Variants in NALF1 observed in about 807,000 individuals in gnomAD.
NALF1 encodes family with sequence similarity 155 member A.
In NALF1, 3 loss-of-function variants were observed where a neutral mutation model predicts 48.4. The observed-to-expected ratio is 0.06, with a 90% CI of 0.03 to 0.16. NALF1 has a LOEUF of 0.16. Among genes scored for constraint, NALF1 ranks in the 10% least tolerant of loss-of-function variants. The pLI, the probability that NALF1 is intolerant of heterozygous loss-of-function variation, is 1.00. For missense variants in NALF1, 526 were observed against 571.5 expected (o/e 0.92, Z 0.81); for synonymous variants, 262 against 245.7 (o/e 1.07, Z -0.62).
At chr13:107,863,893 G>A (rs1158709381) in intron 1 of NALF1, among the ~76,000 whole-genome samples, 1 of 152,144 alleles carries the variant, frequency 6.6e-6, no homozygotes, top group Non-Finnish European at 1.5e-5. Context: ...AATACAGACT[G>A]TCTTTTAAAT....
chr13:107,697,590 G>T (rs924551568), intron 1 of NALF1, among the ~76,000 whole-genome samples: 84 of 151,758 alleles, frequency 5.5e-4, no homozygotes, highest in African/African-American at 2.0e-3. Context: ...CTTTTGTTTG[G>T]TCCTGAAAAT....
intron 1 of NALF1, among the ~76,000 whole-genome samples, chr13:107,581,684 G>A (rs1460604464): frequency 1.3e-5 from 2 of 152,164 alleles, no homozygotes; most frequent in African/African-American, 4.8e-5. Context: ...ATATATCCTT[G>A]CAAGCAGGTC....
intron 1 of NALF1, among the ~76,000 whole-genome samples, chr13:107,310,873 C>G (rs1882031608): frequency 6.6e-6 from 1 of 152,090 alleles, no homozygotes; most frequent in African/African-American, 2.4e-5. Flanking sequence ...GTTGGTCAGG[C>G]TGGTCTCAAA....
chr13:107,301,585 A>G (rs1005814947), intron 1 of NALF1, among the ~76,000 whole-genome samples: 1 of 152,152 alleles, frequency 6.6e-6, no homozygotes, highest in Admixed American at 6.6e-5. Flanking sequence ...TCTGAAAATG[A>G]GAATATTTTA....
intron 1 of NALF1, among the ~76,000 whole-genome samples, chr13:107,734,440 T>G (rs2138538578): frequency 6.6e-6 from 1 of 151,446 alleles, no homozygotes; most frequent in African/African-American, 2.4e-5. Flanking sequence ...ACAATGGAAT[T>G]AAGGAAAGAA....
chr13:107,460,633 C>T (rs1884902632), intron 1 of NALF1, among the ~76,000 whole-genome samples: 1 of 152,072 alleles, frequency 6.6e-6, no homozygotes, highest in African/African-American at 2.4e-5. Context: ...CTGTCTTCTG[C>T]AAGGTGGTGC....
intron 1 of NALF1, among the ~76,000 whole-genome samples, chr13:107,676,554 G>T (rs1357032725): frequency 6.7e-6 from 1 of 149,778 alleles, no homozygotes; most frequent in African/African-American, 2.5e-5. Context: ...ACAAAACGTT[G>T]TTATCACAGC....
At chr13:107,339,803 A>C (rs927187972) in intron 1 of NALF1, among the ~76,000 whole-genome samples, 1 of 152,180 alleles carries the variant, frequency 6.6e-6, no homozygotes, top group African/African-American at 2.4e-5. Flanking sequence ...TTAACTCTAA[A>C]TAGATTTGTA....
At chr13:107,819,734 C>G (rs967132580) in intron 1 of NALF1, among the ~76,000 whole-genome samples, 2 of 142,572 alleles carry the variant, frequency 1.4e-5, no homozygotes, top group Non-Finnish European at 3.0e-5. Flanking sequence ...CTGTCTCTCT[C>G]TCTCTCTCTC....
intron 1 of NALF1, among the ~76,000 whole-genome samples, chr13:107,749,809 G>GGTTT (rs71121552): frequency 0.032 from 4,874 of 151,100 alleles, 275 homozygotes; most frequent in African/African-American, 0.11. Flanking sequence ...TTGTTGTGGT[G>GGTTT]GTTTGTTTGT....
intron 1 of NALF1, among the ~76,000 whole-genome samples, chr13:107,442,491 T>C (rs1884577289): frequency 6.6e-6 from 1 of 152,136 alleles, no homozygotes; most frequent in Admixed American, 6.5e-5. Context: ...ATAATGAAAA[T>C]AGGCTTTTGT....
At chr13:107,860,377 T>TG (rs1425907954) in intron 1 of NALF1, among the ~76,000 whole-genome samples, 1 of 152,236 alleles carries the variant, frequency 6.6e-6, no homozygotes, top group Non-Finnish European at 1.5e-5. Context: ...ATATAGGAGC[T>TG]GAAAGGTCAT....
intron 1 of NALF1, among the ~76,000 whole-genome samples, chr13:107,278,181 GA>G (rs1237213277): frequency 6.6e-6 from 1 of 152,314 alleles, no homozygotes; most frequent in East Asian, 1.9e-4. Flanking sequence ...GCAGAAGGTA[GA>G]GTCTATCATT....
At position 107,781,000 on chromosome 13, in the gene NALF1, T is replaced by C. The variant is rs1262030552; in HGVS notation, c.915+84682A>G. Reference sequence around the variant, plus strand: ...TGCTTATTTATTGAATTGGATAATATATGCTAAGTGTTTTATCAGTTGCAC... The same window carrying C: ...TGCTTATTTATTGAATTGGATAATACATGCTAAGTGTTTTATCAGTTGCAC... On this transcript the variant is annotated intron_variant, in intron 1 of 2. Coordinates refer to ENST00000375915, the MANE Select transcript of NALF1 (RefSeq NM_001080396.3). Among the ~76,000 whole-genome samples the C allele has an allele frequency of 2.0e-5, 3 of 152,182 alleles. No homozygotes were observed. The East Asian group carries it at 5.8e-4, about 29-fold the overall frequency.
chr13:107,286,331 C>T (rs1881492112), intron 1 of NALF1, among the ~76,000 whole-genome samples: 1 of 151,968 alleles, frequency 6.6e-6, no homozygotes, highest in Non-Finnish European at 1.5e-5. Context: ...GCATTATTCA[C>T]AATAGAAAAA....
At chr13:107,783,036 G>A (rs1274913023) in intron 1 of NALF1, among the ~76,000 whole-genome samples, 3 of 140,002 alleles carry the variant, frequency 2.1e-5, no homozygotes, top group South Asian at 2.3e-4. Flanking sequence ...CCCCCCGCCC[G>A]GCCAGCCGCC....
chr13:107,795,546 G>T (rs1878395429), intron 1 of NALF1, among the ~76,000 whole-genome samples: 1 of 152,134 alleles, frequency 6.6e-6, no homozygotes, highest in East Asian at 1.9e-4. Context: ...ACGCTTTTCT[G>T]TAAAAAGCTA....
intron 1 of NALF1, among the ~76,000 whole-genome samples, chr13:107,348,012 A>G (rs1882804991): frequency 6.6e-6 from 1 of 152,228 alleles, no homozygotes. Context: ...TTGGATTCTA[A>G]GGGTCAGACC....
At chr13:107,535,758 C>T (rs566997199) in intron 1 of NALF1, among the ~76,000 whole-genome samples, 21 of 152,048 alleles carry the variant, frequency 1.4e-4, no homozygotes, top group Non-Finnish European at 2.6e-4. Flanking sequence ...AAAAAGAGTC[C>T]ACATTGCCAA....
Sources: gnomAD v4.1 joint callset for allele counts (sites outside exome capture counted in the v4.1 genomes callset) on GRCh38, gnomAD v4.1.1 for gene constraint, MANE v1.5 for transcripts, NCBI Gene and HGNC (gene_info 2026-07-23, HGNC 2026-07-21) for gene names.